Variants in GPR158 observed in about 807,000 individuals in gnomAD.
GPR158 encodes the protein G protein-coupled receptor 158.
GPR158 carries 30 observed loss-of-function variants against 78.2 expected under a neutral mutation model. The ratio of observed to expected loss-of-function variants is 0.38; its 90% CI spans 0.29 to 0.52. The LOEUF (loss-of-function observed/expected upper bound fraction) is 0.52, where lower values mean the gene tolerates loss of function less well. GPR158 is among the 20% of genes least tolerant of loss of function. The pLI, the probability that GPR158 is intolerant of heterozygous loss-of-function variation, is 0.83. For missense variants in GPR158, 1,463 were observed against 1,523.5 expected, an observed-to-expected ratio of 0.96 and a Z score of 0.66; for synonymous variants, 581 against 591.1, an observed-to-expected ratio of 0.98 and a Z score of 0.25.
chr10:25,583,684 T>C (rs1255867703), intron 7 of GPR158, among the ~76,000 whole-genome samples: 1 of 152,162 alleles, frequency 6.6e-6, no homozygotes, highest in African/African-American at 2.4e-5. Context: ...ACCATGAATT[T>C]TTTAAGTGGA....
intron 2 of GPR158, among the ~76,000 whole-genome samples, chr10:25,357,458 T>C (rs1377900156): frequency 2.0e-5 from 3 of 152,146 alleles, no homozygotes; most frequent in Non-Finnish European, 4.4e-5. Context: ...AATGGTTCCA[T>C]GGGCCAGGCC....
chr10:25,278,142 A>G (rs1424240154), intron 2 of GPR158, among the ~76,000 whole-genome samples: 1 of 152,194 alleles, frequency 6.6e-6, no homozygotes, highest in Non-Finnish European at 1.5e-5. Context: ...ACAGGTTTAG[A>G]TTTTAAAACA....
chr10:25,574,246 T>TTGAGA (rs985479739), intron 7 of GPR158, among the ~76,000 whole-genome samples: 2 of 150,300 alleles, frequency 1.3e-5, no homozygotes, highest in African/African-American at 2.5e-5. Context: ...TGCATTGGAA[T>TTGAGA]TGAGATGCAT....
chr10:25,252,629 G>T (rs1464012552), intron 2 of GPR158, among the ~76,000 whole-genome samples: 1 of 152,024 alleles, frequency 6.6e-6, no homozygotes, highest in African/African-American at 2.4e-5. Context: ...GCTGCTCAGG[G>T]GTCAGGGGTC....
At chr10:25,366,823 G>A (rs567476940) in intron 2 of GPR158, among the ~76,000 whole-genome samples, 7 of 131,558 alleles carry the variant, frequency 5.3e-5, no homozygotes, top group Admixed American at 3.8e-4. Context: ...TTTTTTTGAT[G>A]ATTATGAGGT....
At position 25,321,292 on chromosome 10, in the gene GPR158, G is replaced by A. The variant is rs534797601; in HGVS notation, c.1009-74619G>A. Among the ~76,000 whole-genome samples the A allele has an allele frequency of 4.6e-5, 7 of 152,284 alleles. No individual in the cohort carries two copies. In the South Asian group the frequency reaches 1.4e-3, roughly 32 times the overall value. ...TTCAACTGAACATTACAATATGAAA[G>A]CATCTCTAGATATATTGGGATTTAT... is the stretch of plus-strand genomic sequence containing the variant. On this transcript the variant is annotated intron_variant, in intron 2 of 10. Transcript: ENST00000376351.
intron 2 of GPR158, among the ~76,000 whole-genome samples, chr10:25,362,849 T>C (rs566500531): frequency 1.3e-5 from 2 of 152,088 alleles, no homozygotes; most frequent in East Asian, 3.9e-4. Context: ...TCCTTGTTAA[T>C]TGACTTTCCT....
At chr10:25,387,542 G>A (rs964403828) in intron 2 of GPR158, among the ~76,000 whole-genome samples, 1 of 144,888 alleles carries the variant, frequency 6.9e-6, no homozygotes, top group African/African-American at 2.8e-5. Context: ...TTGAGACAGG[G>A]TGTTGCTCTG....
intron 2 of GPR158, among the ~76,000 whole-genome samples, chr10:25,289,629 T>G (rs1448802830): frequency 1.3e-5 from 2 of 151,960 alleles, no homozygotes; most frequent in African/African-American, 4.8e-5. Flanking sequence ...AGATGGAGTT[T>G]CACTGTGGTC....
At chr10:25,570,847 G>A (rs1588917331) in intron 6 of GPR158, among the ~76,000 whole-genome samples, 2 of 152,242 alleles carry the variant, frequency 1.3e-5, no homozygotes, top group Middle Eastern at 6.8e-3. Context: ...TTGAACCCAG[G>A]AGGTGGAGGT....
chr10:25,547,206 C>T (rs977095724), intron 5 of GPR158, among the ~76,000 whole-genome samples: 5 of 152,060 alleles, frequency 3.3e-5, no homozygotes, highest in African/African-American at 1.2e-4. Context: ...CTCCCCTTTC[C>T]ATAGCCCAAC....
At chr10:25,488,479 G>A (rs1203023933) in intron 5 of GPR158, among the ~76,000 whole-genome samples, 2 of 152,028 alleles carry the variant, frequency 1.3e-5, no homozygotes, top group East Asian at 3.8e-4. Context: ...TTTTCACAAT[G>A]CATATATGTT....
intron 3 of GPR158, among the ~76,000 whole-genome samples, chr10:25,397,505 G>A (rs1324658256): frequency 1.3e-5 from 2 of 152,168 alleles, no homozygotes; most frequent in African/African-American, 4.8e-5. Flanking sequence ...ATAGTTCAAA[G>A]GGTTCATTGA....
intron 2 of GPR158, among the ~76,000 whole-genome samples, chr10:25,286,973 G>A (rs1048249062): frequency 5.3e-5 from 8 of 152,118 alleles, no homozygotes; most frequent in African/African-American, 1.9e-4. Flanking sequence ...TAATCTCCCT[G>A]CAGTATACCA....
intron 2 of GPR158, among the ~76,000 whole-genome samples, chr10:25,252,963 G>A (rs1322747797): frequency 6.6e-6 from 1 of 152,190 alleles, no homozygotes. Flanking sequence ...AGCAATCAGC[G>A]AGATTCCGTG....
At position 25,598,080 on chromosome 10, in the gene GPR158, C is replaced by T. The variant is rs1292921798; in HGVS notation, c.2454C>T (p.His818=). ...GAGTCTTCTCACTCAAGAAATCCCA[C>T]AGCACTTATGACCACGTGAGAGACC... The part of the protein sequence containing the change: ...KNRVFSLKKS[H]STYDHVRDQT... Residue 818 remains histidine (H), a synonymous_variant, in exon 11 of 11, where the codon CAC becomes CAT. Transcript: ENST00000376351. The T allele has an allele frequency of 6.2e-7, 1 of 1,613,940 alleles. No homozygotes were observed. Among genetic ancestry groups the T allele is most frequent in the Non-Finnish European group, 8.5e-7 (1 of 1,180,022 alleles).
At chr10:25,314,880 T>TATAC (rs2130468656) in intron 2 of GPR158, among the ~76,000 whole-genome samples, 1 of 122,336 alleles carries the variant, frequency 8.2e-6, no homozygotes, top group South Asian at 2.8e-4. Flanking sequence ...TATATATATA[T>TATAC]ATATATGACT....
chr10:25,372,291 T>A (rs887215665), intron 2 of GPR158, among the ~76,000 whole-genome samples: 1 of 151,906 alleles, frequency 6.6e-6, no homozygotes, highest in African/African-American at 2.4e-5. Context: ...ATTGTGGAAG[T>A]CAGTGTGGTG....
intron 2 of GPR158, among the ~76,000 whole-genome samples, chr10:25,373,394 G>T (rs1231388616): frequency 1.3e-5 from 2 of 151,856 alleles, no homozygotes; most frequent in East Asian, 3.9e-4. Context: ...CCCATGACAA[G>T]ATAATAATAA....
Sources: allele counts gnomAD v4.1 joint callset (sites outside exome capture counted in the v4.1 genomes callset), GRCh38; gene constraint gnomAD v4.1.1; transcripts MANE v1.5; gene names NCBI Gene and HGNC (gene_info 2026-07-23, HGNC 2026-07-21).